TSGA10: variants seen among roughly 807,000 people sequenced by gnomAD.
TSGA10 encodes the protein testis-specific gene 10 protein.
A neutral mutation model predicts 96.6 loss-of-function variants in TSGA10; 43 were observed. That is an observed-to-expected ratio of 0.44 (90% CI 0.35 to 0.57). The LOEUF is 0.57. TSGA10 is among the 20% of genes least tolerant of loss of function. TSGA10 has a pLI of 0.01. For missense variants in TSGA10, 703 were observed against 834.4 expected (o/e 0.84, Z 1.94); for synonymous variants, 229 against 269.9 (o/e 0.85, Z 1.48).
intron 16 of TSGA10, 54 bp from the exon 17 acceptor site, chr2:99,035,493 G>T: frequency 7.9e-7 from 1 of 1,269,808 alleles, no homozygotes; most frequent in Non-Finnish European, 1.1e-6. Flanking sequence ...AAACTGGAAG[G>T]AAACTATAAC....
chr2:99,102,120 G>A (rs2090831066), intron 10 of TSGA10: 1 of 1,455,350 alleles, frequency 6.9e-7, no homozygotes, highest in East Asian at 2.3e-5. Flanking sequence ...AGAAGAGTTA[G>A]ATAGGGGTTA....
intron 1 of TSGA10, among the ~76,000 whole-genome samples, chr2:99,133,420 T>C (rs903029466): frequency 6.6e-6 from 1 of 152,214 alleles, no homozygotes; most frequent in Non-Finnish European, 1.5e-5. Context: ...CTGCTTTTTT[T>C]TGCTTTCCAT....
At chr2:99,138,342 A>T (rs759183305) in intron 1 of TSGA10, among the ~76,000 whole-genome samples, 3 of 152,236 alleles carry the variant, frequency 2.0e-5, no homozygotes, top group Non-Finnish European at 2.9e-5. Context: ...TCACTACTTG[A>T]AATTATATCA....
chr2:99,119,430 A>G (rs2092456522), intron 2 of TSGA10, among the ~76,000 whole-genome samples: 1 of 152,318 alleles, frequency 6.6e-6, no homozygotes, highest in South Asian at 2.1e-4. Flanking sequence ...TTATGATCCA[A>G]CTCGACTTAG....
intron 1 of TSGA10, among the ~76,000 whole-genome samples, chr2:99,153,204 G>T (rs184273113): frequency 6.6e-6 from 1 of 152,208 alleles, no homozygotes; most frequent in Non-Finnish European, 1.5e-5. Context: ...GAAAAGTCCA[G>T]TGGATCTAGC....
At chr2:99,119,160 C>G (rs2092442019) in intron 2 of TSGA10, among the ~76,000 whole-genome samples, 1 of 152,148 alleles carries the variant, frequency 6.6e-6, no homozygotes, top group Non-Finnish European at 1.5e-5. Flanking sequence ...TTCAAAAAAA[C>G]TTTATAAGTT....
intron 20 of TSGA10, among the ~76,000 whole-genome samples, chr2:99,000,369 T>G (rs2077785863): frequency 6.7e-6 from 1 of 149,352 alleles, no homozygotes; most frequent in African/African-American, 2.5e-5. Flanking sequence ...ATGAGCTGGA[T>G]GTAGTGATGG....
chr2:99,020,799 T>G (rs545557105), intron 17 of TSGA10, among the ~76,000 whole-genome samples: 4 of 152,064 alleles, frequency 2.6e-5, no homozygotes, highest in Non-Finnish European at 4.4e-5. Context: ...GGATGATATC[T>G]GTGAGCACTG....
At chr2:99,010,409 T>G (rs1256321773) in intron 20 of TSGA10, among the ~76,000 whole-genome samples, 2 of 152,224 alleles carry the variant, frequency 1.3e-5, no homozygotes, top group Non-Finnish European at 2.9e-5. Context: ...GGTGAAAAAC[T>G]GTGAGTTCCC....
intron 2 of TSGA10, among the ~76,000 whole-genome samples, chr2:99,120,322 G>C (rs1340076054): frequency 6.6e-6 from 1 of 152,156 alleles, no homozygotes; most frequent in East Asian, 1.9e-4. Flanking sequence ...AGAAGAGGCA[G>C]TCTGGAGTAA....
chr2:99,052,892 T>C (rs1217273832), intron 16 of TSGA10, among the ~76,000 whole-genome samples: 1 of 151,794 alleles, frequency 6.6e-6, no homozygotes, highest in African/African-American at 2.4e-5. Flanking sequence ...AACATGCCCA[T>C]CTCTACCAAA....
chr2:99,102,604 A>C, intron 10 of TSGA10: 1 of 1,614,184 alleles, frequency 6.2e-7, no homozygotes, highest in Non-Finnish European at 8.5e-7. Flanking sequence ...GTACATGCTC[A>C]GTTTATTACA....
intron 4 of TSGA10, 38 bp from the exon 5 acceptor site, chr2:99,110,953 T>A: frequency 1.8e-6 from 1 of 567,322 alleles, no homozygotes; most frequent in Non-Finnish European, 2.2e-6. Context: ...TTATTTCTAT[T>A]AAAGATGTTT....
At chr2:99,027,322 T>C (rs2105012777) in intron 17 of TSGA10, among the ~76,000 whole-genome samples, 1 of 152,280 alleles carries the variant, frequency 6.6e-6, no homozygotes, top group Non-Finnish European at 1.5e-5. Flanking sequence ...TACTGTATGA[T>C]CTTACTTATA....
chr2:99,130,719 T>C (rs1223909864), intron 1 of TSGA10, among the ~76,000 whole-genome samples: 1 of 152,216 alleles, frequency 6.6e-6, no homozygotes, highest in Non-Finnish European at 1.5e-5. Context: ...CTAAATGGTA[T>C]TGCCTAGGTT....
At chr2:99,004,825 C>T (rs1426237865) in intron 20 of TSGA10, among the ~76,000 whole-genome samples, 1 of 152,136 alleles carries the variant, frequency 6.6e-6, no homozygotes, top group African/African-American at 2.4e-5. Context: ...CAAAGGCTGG[C>T]AGAGACACAA....
chr2:99,126,761 G>A (rs771867486), intron 2 of TSGA10: 32 of 185,494 alleles, frequency 1.7e-4, no homozygotes, highest in Non-Finnish European at 2.4e-4. Flanking sequence ...TAGAACTTCA[G>A]CTTCCACATC....
intron 12 of TSGA10, among the ~76,000 whole-genome samples, chr2:99,074,460 T>G (rs1187617340): frequency 6.6e-6 from 1 of 151,678 alleles, no homozygotes; most frequent in Non-Finnish European, 1.5e-5. Context: ...ATGGTACAGA[T>G]TCCACATCTG....
At chr2:99,075,122 T>C (rs2086543626) in intron 12 of TSGA10, among the ~76,000 whole-genome samples, 1 of 152,210 alleles carries the variant, frequency 6.6e-6, no homozygotes, top group African/African-American at 2.4e-5. Context: ...CATATACTCT[T>C]AGCCTATTTT....
Sources: allele counts gnomAD v4.1 joint callset (sites outside exome capture counted in the v4.1 genomes callset), GRCh38; gene constraint gnomAD v4.1.1; transcripts MANE v1.5; gene names NCBI Gene and HGNC (gene_info 2026-07-23, HGNC 2026-07-21).